The following DIAPH1 variants were observed in gnomAD, a reference collection of about 807,000 sequenced individuals.
DIAPH1 encodes the protein diaphanous related formin 1, also known as protein diaphanous homolog 1.
In DIAPH1, 46 loss-of-function variants were observed where a neutral mutation model predicts 140.7. The observed-to-expected ratio is 0.33, with a 90% confidence interval of 0.26 to 0.42. DIAPH1 has a LOEUF of 0.42. Ranked by LOEUF, DIAPH1 falls within the 10% of genes least tolerant of loss-of-function variation. The pLI is 1.00. For missense variants in DIAPH1, 1,310 were observed against 1,558.7 expected (o/e 0.84, Z 2.69); for synonymous variants, 565 against 551.6 (o/e 1.02, Z -0.34).
intron 18 of DIAPH1, among the ~76,000 whole-genome samples, chr5:141,536,932 G>A (rs756256908): frequency 3.0e-4 from 46 of 152,138 alleles, no homozygotes; most frequent in Non-Finnish European, 5.0e-4. Context: ...CACTTTAGGA[G>A]GCCTAGGTGG....
intron 1 of DIAPH1, among the ~76,000 whole-genome samples, chr5:141,606,620 C>T (rs1446264846): frequency 3.3e-5 from 5 of 152,142 alleles, no homozygotes; most frequent in African/African-American, 7.2e-5. Flanking sequence ...GTCTTGAACT[C>T]CTGGCCTCAG....
In DIAPH1 at chr5:141,577,469, T is replaced by A; in HGVS notation, c.1280+6A>T. On this transcript the variant is annotated splice_donor_region_variant and intron_variant, in intron 12 of 27. Coordinates refer to ENST00000389054, the MANE Select transcript of DIAPH1 (RefSeq NM_005219.5). ...TTCAAAACTTCTCATAAGCACAGCA[T>A]CTTACCTGGCCTCATAGTCATTTCG... The A allele has an allele frequency of 6.3e-7, 1 of 1,591,698 alleles. No individual in the cohort carries two copies. The highest frequency in any genetic ancestry group is 8.6e-7 in the Non-Finnish European group (1 of 1,159,618).
At position 141,574,058 on chromosome 5, in the gene DIAPH1, G is replaced by C; in HGVS notation, c.1792C>G (p.Pro598Ala). 1 of 1,605,464 alleles carries C rather than the reference G, an allele frequency of 6.2e-7. No homozygotes were observed. The stretch of plus-strand genomic sequence containing the variant: ...GTACTATCCCCAGGAGCAGGTGGTG[G>C]TGGAATAATAGTGCCAGAGTCACCA... ...LPGDSGTIIP[P>A]PPAPGDSTTP... The change falls in exon 16 of 28, where the codon CCA (proline) becomes GCA (alanine). Residue 598 changes from proline to alanine, a missense_variant. By Grantham distance (27) the Pro-to-Ala change is conservative. Transcript: ENST00000389054.
intron 2 of DIAPH1, among the ~76,000 whole-genome samples, chr5:141,587,860 C>T (rs775250610): frequency 2.0e-5 from 3 of 152,210 alleles, no homozygotes; most frequent in African/African-American, 2.4e-5. Flanking sequence ...TTCCTCAAAT[C>T]TCAAATACTG....
chr5:141,517,375 C>T (rs1353679642), intron 27 of DIAPH1, among the ~76,000 whole-genome samples: 1 of 152,176 alleles, frequency 6.6e-6, no homozygotes. Flanking sequence ...ATTAAATAGA[C>T]TAAAGTTTAG....
At chr5:141,574,927 G>A (rs2099895741) in intron 15 of DIAPH1, 40 bp downstream of exon 15, 1 of 1,611,842 alleles carries the variant, frequency 6.2e-7, no homozygotes, top group Non-Finnish European at 8.5e-7. Context: ...TGTGCATCCT[G>A]AGGTTACAGG....
intron 3 of DIAPH1, among the ~76,000 whole-genome samples, chr5:141,584,911 T>C (rs1596390371): frequency 6.6e-6 from 1 of 152,032 alleles, no homozygotes; most frequent in African/African-American, 2.4e-5. Context: ...CTGTTTCTTC[T>C]GCAAGCAGCA....
intron 1 of DIAPH1, among the ~76,000 whole-genome samples, chr5:141,601,192 G>A (rs754328174): frequency 6.7e-6 from 1 of 149,102 alleles, no homozygotes; most frequent in Non-Finnish European, 1.5e-5. Flanking sequence ...AAACCTGCAC[G>A]TTGTACACAT....
chr5:141,526,503 C>G lies in DIAPH1; in HGVS notation c.3274-42G>C, dbSNP rs369197631. The G allele has an allele frequency of 2.0e-5, 32 of 1,612,406 alleles. No individual in the cohort carries two copies. In the African/African-American group the frequency reaches 3.6e-4, roughly 18 times the overall value. On this transcript the variant is annotated intron_variant, in intron 24 of 27. Coordinates refer to ENST00000389054, the MANE Select transcript of DIAPH1 (RefSeq NM_005219.5). ...AAGGACCAAGACCAAGACCAAGAAG[C>G]AGACCCACTTCTCTAGCCCAAGGAA...
In DIAPH1 at chr5:141,588,752, C is replaced by T. The variant is rs540680161; in HGVS notation, c.118-502G>A. On this transcript the variant is annotated intron_variant, in intron 1 of 27. Coordinates refer to ENST00000389054, the MANE Select transcript of DIAPH1 (RefSeq NM_005219.5). ...GTTAAAATATGCACATGTACTACAA[C>T]GCAACACATCAATTTCTATGTTATC... 5.3e-5 allele frequency among the ~76,000 whole-genome samples: 8 copies of T among 152,250 alleles called. No individual in the cohort carries two copies. The South Asian group carries it at 6.2e-4, about 12-fold the overall frequency.
At chr5:141,605,627 G>A (rs544909364) in intron 1 of DIAPH1, among the ~76,000 whole-genome samples, 6 of 152,318 alleles carry the variant, frequency 3.9e-5, no homozygotes, top group Admixed American at 1.3e-4. Flanking sequence ...TATTAGTGGA[G>A]TCTAAAACCT....
intron 27 of DIAPH1, among the ~76,000 whole-genome samples, chr5:141,519,793 T>G (rs539108541): frequency 3.3e-5 from 5 of 152,226 alleles, no homozygotes; most frequent in African/African-American, 1.2e-4. Context: ...CTCACCATTA[T>G]GCTCAGCAGG....
chr5:141,517,259 C>T (rs2099885827), intron 27 of DIAPH1, among the ~76,000 whole-genome samples: 1 of 152,114 alleles, frequency 6.6e-6, no homozygotes, highest in Admixed American at 6.5e-5. Flanking sequence ...GAAAACAGCA[C>T]AAAAGTTTGA....
intron 27 of DIAPH1, among the ~76,000 whole-genome samples, chr5:141,522,578 C>CAAA (rs5871776): frequency 9.9e-4 from 88 of 88,906 alleles, no homozygotes; most frequent in South Asian, 5.1e-3. Flanking sequence ...CCGACGGGGT[C>CAAA]AAAAAAAAAA....
intron 3 of DIAPH1, 79 bp downstream of exon 3, chr5:141,586,963 G>C (rs1290147999): frequency 2.7e-6 from 4 of 1,460,550 alleles, no homozygotes; most frequent in Non-Finnish European, 3.8e-6. Flanking sequence ...AGGGCTAGTT[G>C]GGAATTATGC....
chr5:141,574,813 A>C (rs1301718232), intron 15 of DIAPH1, among the ~76,000 whole-genome samples, 154 bp downstream of exon 15: 1 of 152,146 alleles, frequency 6.6e-6, no homozygotes, highest in Non-Finnish European at 1.5e-5. Flanking sequence ...AACACAAACC[A>C]AAAACCAGTA....
chr5:141,615,852 A>G (rs1003356008), intron 1 of DIAPH1, among the ~76,000 whole-genome samples: 2 of 152,234 alleles, frequency 1.3e-5, no homozygotes, highest in Non-Finnish European at 2.9e-5. Flanking sequence ...TACAAAGTCT[A>G]TTAAATGTAA....
intron 1 of DIAPH1, among the ~76,000 whole-genome samples, chr5:141,615,270 T>C (rs1211614827): frequency 6.8e-6 from 1 of 147,358 alleles, no homozygotes; most frequent in African/African-American, 2.5e-5. Context: ...CAGTCTCTAC[T>C]AAAAATACAA....
chr5:141,531,062 C>T (rs771076097), intron 19 of DIAPH1, among the ~76,000 whole-genome samples: 23 of 152,160 alleles, frequency 1.5e-4, no homozygotes, highest in Non-Finnish European at 3.2e-4. Context: ...CTCACTTCCA[C>T]GACTCTGATT....
Sources: gnomAD v4.1 joint callset for allele counts (sites outside exome capture counted in the v4.1 genomes callset) on GRCh38, gnomAD v4.1.1 for gene constraint, MANE v1.5 for transcripts, NCBI Gene and HGNC (gene_info 2026-07-23, HGNC 2026-07-21) for gene names.